HERC3: variants seen among roughly 807,000 people sequenced by gnomAD.
HERC3 encodes the protein HECT and RLD domain containing E3 ubiquitin protein ligase 3.
A neutral mutation model predicts 129.9 loss-of-function variants in HERC3; 58 were observed. The ratio of observed to expected loss-of-function variants is 0.45; its 90% confidence interval spans 0.36 to 0.56. The LOEUF (loss-of-function observed/expected upper bound fraction) is 0.56, where lower values mean the gene tolerates loss of function less well. Ranked by LOEUF, HERC3 falls within the 20% of genes least tolerant of loss-of-function variation. The pLI is 0.00. For missense variants in HERC3, 835 were observed against 1,244.2 expected, an observed-to-expected ratio of 0.67 and a Z score of 4.95; for synonymous variants, 430 against 451.0, an observed-to-expected ratio of 0.95 and a Z score of 0.59.
the HERC3 span, among the ~76,000 whole-genome samples, chr4:88,548,491 T>A: frequency 6.6e-6 from 1 of 152,174 alleles, no homozygotes; most frequent in African/African-American, 2.4e-5. Flanking sequence ...TGGCCATTTG[T>A]TTATCCTCTT....
At chr4:88,631,322 G>A (rs949120746) in intron 3 of HERC3, among the ~76,000 whole-genome samples, 1 of 152,168 alleles carries the variant, frequency 6.6e-6, no homozygotes, top group African/African-American at 2.4e-5. Context: ...AGGCGTTGTG[G>A]TGTGTGCCTG....
chr4:88,658,339 T>G, intron 9 of HERC3, 76 bp from the exon 10 acceptor site: 1 of 743,870 alleles, frequency 1.3e-6, no homozygotes. Flanking sequence ...AAGTGTATTC[T>G]GCGACAGTAG....
the HERC3 span, among the ~76,000 whole-genome samples, chr4:88,565,734 T>G: frequency 1.3e-5 from 2 of 152,170 alleles, no homozygotes; most frequent in African/African-American, 4.8e-5. Context: ...ATATTATTGA[T>G]AAGTACAGAC....
At chr4:88,634,025 G>A (rs1727073664) in intron 3 of HERC3, among the ~76,000 whole-genome samples, 1 of 152,214 alleles carries the variant, frequency 6.6e-6, no homozygotes, top group South Asian at 2.1e-4. Context: ...CGGCAACCAA[G>A]ATATCCAGGT....
chr4:88,615,773 TATTTA>T, intron 3 of HERC3, among the ~76,000 whole-genome samples: 1 of 152,324 alleles, frequency 6.6e-6, no homozygotes, highest in East Asian at 1.9e-4. Flanking sequence ...TAGCTATTAT[TATTTA>T]TTCTTATTTT....
intron 19 of HERC3, among the ~76,000 whole-genome samples, chr4:88,678,345 A>G (rs956827350): frequency 2.0e-5 from 3 of 152,238 alleles, no homozygotes; most frequent in African/African-American, 7.2e-5. Flanking sequence ...TTGAAAGATT[A>G]GAGTGCTTTC....
chr4:88,638,859 A>G (rs548734648), intron 3 of HERC3, among the ~76,000 whole-genome samples: 13 of 152,318 alleles, frequency 8.5e-5, no homozygotes, highest in African/African-American at 3.1e-4. Flanking sequence ...CTCAGCCCAA[A>G]AATGCCTTGA....
At chr4:88,628,920 A>G (rs1726439435) in intron 3 of HERC3, among the ~76,000 whole-genome samples, 1 of 152,158 alleles carries the variant, frequency 6.6e-6, no homozygotes, top group Non-Finnish European at 1.5e-5. Context: ...CATGGCTGTA[A>G]TCCCGGGACT....
chr4:88,674,140 G>A (rs771074810), intron 16 of HERC3, among the ~76,000 whole-genome samples: 1 of 152,158 alleles, frequency 6.6e-6, no homozygotes, highest in Non-Finnish European at 1.5e-5. Context: ...CACCTCTGGG[G>A]TGTGGGAAGG....
the HERC3 span, among the ~76,000 whole-genome samples, chr4:88,538,572 C>T: frequency 0.2 from 27,754 of 141,278 alleles, 3,035 homozygotes; most frequent in East Asian, 0.49. Context: ...TTGACGAAGT[C>T]TCGCTCTGTC....
chr4:88,653,226 C>T lies in HERC3; in HGVS notation c.685+136C>T, dbSNP rs372288343. On this transcript the variant is annotated intron_variant, in intron 6 of 25. Transcript: ENST00000402738. ...CAGTGAACACAATAGAGAACATCCT[C>T]GTCTTAGTGGAGACTGTATTCTAGT... 149 of 829,356 alleles carry T rather than the reference C, an allele frequency of 1.8e-4. No homozygotes were observed. The African/African-American group carries it at 2.3e-3, about 13-fold the overall frequency. 51.4% of individuals were successfully genotyped at this position (829,356 alleles called of 1,614,324 possible). A position where few individuals can be genotyped will look rare whatever the true frequency, so the allele number is the denominator to read the frequency against.
chr4:88,700,176 T>C (rs542808547), intron 23 of HERC3, among the ~76,000 whole-genome samples: 11 of 152,176 alleles, frequency 7.2e-5, no homozygotes, highest in African/African-American at 2.6e-4. Context: ...ATTTTTTATT[T>C]TACTTTTTAT....
chr4:88,658,303 A>G (rs1339720769), intron 9 of HERC3, 112 bp from the exon 10 acceptor site: 1 of 544,010 alleles, frequency 1.8e-6, no homozygotes, highest in Non-Finnish European at 3.3e-6. Flanking sequence ...CTGTGACACA[A>G]TTAAAATGGA....
intron 3 of HERC3, among the ~76,000 whole-genome samples, chr4:88,638,660 A>G (rs1727714991): frequency 6.6e-6 from 1 of 152,230 alleles, no homozygotes; most frequent in African/African-American, 2.4e-5. Flanking sequence ...AGCTGGAAGC[A>G]TTCCCTTTGA....
At chr4:88,531,837 G>T in the HERC3 span, among the ~76,000 whole-genome samples, 4 of 152,174 alleles carry the variant, frequency 2.6e-5, no homozygotes, top group African/African-American at 9.7e-5. Flanking sequence ...CTCTCTAGAT[G>T]CAAGGGGCAG....
intron 23 of HERC3, among the ~76,000 whole-genome samples, chr4:88,691,602 C>G (rs1734084044): frequency 6.6e-6 from 1 of 152,156 alleles, no homozygotes; most frequent in African/African-American, 2.4e-5. Flanking sequence ...TACTGCTGTA[C>G]TCTTTACTAT....
At chr4:88,541,910 C>T in the HERC3 span, among the ~76,000 whole-genome samples, 16 of 152,134 alleles carry the variant, frequency 1.1e-4, no homozygotes, top group Admixed American at 1.3e-4. Flanking sequence ...AGAACAAAGA[C>T]ACAACATACC....
chr4:88,545,850 T>C, the HERC3 span, among the ~76,000 whole-genome samples: 5 of 152,202 alleles, frequency 3.3e-5, no homozygotes, highest in African/African-American at 1.2e-4. Context: ...GGAATAATTC[T>C]AAACTAAAAT....
intron 3 of HERC3, among the ~76,000 whole-genome samples, chr4:88,607,175 G>A (rs1380710641): frequency 1.7e-5 from 1 of 57,488 alleles, no homozygotes; most frequent in African/African-American, 3.0e-4. Context: ...GCACTTTGGT[G>A]TGTGTGTGTG....
Sources: allele counts gnomAD v4.1 joint callset (sites outside exome capture counted in the v4.1 genomes callset), GRCh38; gene constraint gnomAD v4.1.1; transcripts MANE v1.5; gene names NCBI Gene and HGNC (gene_info 2026-07-23, HGNC 2026-07-21).